The following AGO2 variants were observed in gnomAD, a reference collection of about 807,000 sequenced individuals.
The protein encoded by AGO2 is protein argonaute-2.
In AGO2, 5 loss-of-function variants were observed where a neutral mutation model predicts 102.3. The observed-to-expected ratio is 0.05, with a 90% CI of 0.03 to 0.10. The LOEUF is 0.10. Ranked by LOEUF, AGO2 falls within the 10% of genes least tolerant of loss-of-function variation. The pLI is 1.00. For missense variants in AGO2, 541 were observed against 1,183.7 expected, an observed-to-expected ratio of 0.46 and a Z score of 7.97; for synonymous variants, 449 against 473.1, an observed-to-expected ratio of 0.95 and a Z score of 0.66.
intron 4 of AGO2, among the ~76,000 whole-genome samples, chr8:140,561,066 G>A (rs543003804): frequency 3.4e-3 from 513 of 152,346 alleles, no homozygotes; most frequent in African/African-American, 0.011. Flanking sequence ...GGGCTCCCCC[G>A]TAGGAGGTGG....
intron 1 of AGO2, among the ~76,000 whole-genome samples, chr8:140,610,028 TAAAA>T (rs55637374): frequency 3.2e-5 from 4 of 126,548 alleles, no homozygotes; most frequent in East Asian, 2.8e-4. Context: ...ACCTTGACTC[TAAAA>T]AAAAAAAAAA....
At chr8:140,556,575 T>C (rs2073097378) in intron 8 of AGO2, among the ~76,000 whole-genome samples, 1 of 152,120 alleles carries the variant, frequency 6.6e-6, no homozygotes, top group African/African-American at 2.4e-5. Flanking sequence ...CCGGCACTTC[T>C]GGGCTCTCTC....
At chr8:140,611,313 T>C (rs2074075126) in intron 1 of AGO2, among the ~76,000 whole-genome samples, 3 of 150,140 alleles carry the variant, frequency 2.0e-5, no homozygotes, top group African/African-American at 7.3e-5. Context: ...TTATTCCACA[T>C]TGACTCTTAA....
chr8:140,619,833 T>C (rs748096571), intron 1 of AGO2, among the ~76,000 whole-genome samples: 6 of 152,210 alleles, frequency 3.9e-5, no homozygotes, highest in Non-Finnish European at 8.8e-5. Context: ...CGAGAAACCC[T>C]GCTGGGGTGG....
At chr8:140,625,850 G>A (rs1298022051) in intron 1 of AGO2, among the ~76,000 whole-genome samples, 1 of 152,206 alleles carries the variant, frequency 6.6e-6, no homozygotes, top group East Asian at 1.9e-4. Context: ...AGCTTCCAGG[G>A]CCAACAGCGA....
chr8:140,555,813 C>T (rs1365825489), intron 10 of AGO2, 83 bp downstream of exon 10: 16 of 1,513,728 alleles, frequency 1.1e-5, no homozygotes, highest in African/African-American at 5.5e-5. Context: ...GTCTACACCG[C>T]GGGCGATAGC....
intron 1 of AGO2, among the ~76,000 whole-genome samples, chr8:140,597,947 C>A (rs1251176605): frequency 2.0e-5 from 3 of 152,372 alleles, no homozygotes; most frequent in African/African-American, 7.2e-5. Context: ...AGGGGCCTCA[C>A]AGTAGATGCC....
chr8:140,590,158 C>T (rs2133026151), intron 1 of AGO2, among the ~76,000 whole-genome samples: 1 of 152,192 alleles, frequency 6.6e-6, no homozygotes, highest in East Asian at 1.9e-4. Flanking sequence ...CACAGAGACG[C>T]GTCTGGCCCA....
intron 11 of AGO2, among the ~76,000 whole-genome samples, chr8:140,549,851 T>C (rs2977480): frequency 0.63 from 95,568 of 152,158 alleles, 31,454 homozygotes; most frequent in African/African-American, 0.84. Flanking sequence ...TGGCAACGGC[T>C]AGCCTTGTGA....
chr8:140,597,120 C>T (rs2073857074), intron 1 of AGO2, among the ~76,000 whole-genome samples: 1 of 152,238 alleles, frequency 6.6e-6, no homozygotes, highest in South Asian at 2.1e-4. Flanking sequence ...AAAAAAAACT[C>T]AGCAGAAGAG....
chr8:140,638,505 G>C (rs761618469), upstream of AGO2, among the ~76,000 whole-genome samples: 7 of 152,208 alleles, frequency 4.6e-5, no homozygotes, highest in Non-Finnish European at 8.8e-5. Context: ...GGTACCTCAA[G>C]GTTCCGTGGA....
chr8:140,591,500 T>C (rs2073746448), intron 1 of AGO2, among the ~76,000 whole-genome samples: 2 of 152,218 alleles, frequency 1.3e-5, no homozygotes, highest in South Asian at 4.1e-4. Flanking sequence ...GAAAATATGT[T>C]AACCTTATTT....
At position 140,559,516 on chromosome 8, in the gene AGO2, C is replaced by T. The variant is rs767782553; in HGVS notation, c.669G>A (p.Ala223=). ...CGATTACTGGCTGTGCCTTGTAAAACGCTGTTGCTGACACTGTAGGCGAGA... is the reference window on the plus strand; with the variant it reads ...CGATTACTGGCTGTGCCTTGTAAAATGCTGTTGCTGACACTGTAGGCGAGA... ...MMLNIDVSAT[A]FYKAQPVIEF... The change falls in exon 6 of 19, where the codon GCG becomes GCA. Residue 223 remains alanine (A), a synonymous_variant. Coordinates refer to ENST00000220592, the MANE Select transcript of AGO2 (RefSeq NM_012154.5). 10 of 1,614,078 alleles carry T rather than the reference C, an allele frequency of 6.2e-6. No homozygotes were observed. Among genetic ancestry groups the T allele is most frequent in the Admixed American group, 1.7e-5 (1 of 60,012 alleles).
chr8:140,547,319 T>A (rs1456660393), intron 13 of AGO2, 149 bp downstream of exon 13: 17 of 1,018,424 alleles, frequency 1.7e-5, no homozygotes, highest in Non-Finnish European at 2.2e-5. Flanking sequence ...CAGATCTATG[T>A]CTGACATCTT....
chr8:140,596,004 T>TGTAC, intron 1 of AGO2, among the ~76,000 whole-genome samples: 1 of 132,030 alleles, frequency 7.6e-6, no homozygotes, highest in East Asian at 2.0e-4. Flanking sequence ...TATATATATA[T>TGTAC]ACACACACAC....
intron 3 of AGO2, among the ~76,000 whole-genome samples, chr8:140,564,668 C>G (rs1270665858): frequency 6.6e-6 from 1 of 152,244 alleles, no homozygotes; most frequent in Non-Finnish European, 1.5e-5. Context: ...TAGGGCCAGG[C>G]ACAGTGGCTC....
At chr8:140,635,910 CGGCGCGGCCCGTGTGGCGCGGGGGCG>C (rs1457654919), upstream of AGO2, among the ~76,000 whole-genome samples, 2 of 146,644 alleles carry the variant, frequency 1.4e-5, no homozygotes, top group Non-Finnish European at 3.0e-5. Context: ...GGGCCGAGGG[CGGCGCGGCCCGTGTGGCGCGGGGGCG>C]GGCGCGGCCC....
rs896528813 is a variant in AGO2 at position 140,635,400 on chromosome 8, G to A, written c.22+85C>T. On this transcript the variant is annotated intron_variant, in intron 1 of 18. Transcript: ENST00000220592. ...CCGACCCCGCGGCCCCCCGATCCCC[G>A]GCCCCTGCCGCCCGCGCCGGGCCCG... The A allele has an allele frequency of 1.4e-5, 11 of 770,284 alleles. No homozygotes were observed. In the African/African-American group the frequency reaches 1.7e-4, roughly 12 times the overall value. 47.7% of individuals were successfully genotyped at this position (770,284 alleles called of 1,614,324 possible).
At chr8:140,585,604 A>C (rs193186005) in intron 1 of AGO2, among the ~76,000 whole-genome samples, 1 of 152,246 alleles carries the variant, frequency 6.6e-6, no homozygotes, top group Non-Finnish European at 1.5e-5. Flanking sequence ...GACAAGGCAA[A>C]GAGCCCAAAA....
Sources: gnomAD v4.1 joint callset for allele counts (sites outside exome capture counted in the v4.1 genomes callset) on GRCh38, gnomAD v4.1.1 for gene constraint, MANE v1.5 for transcripts, NCBI Gene and HGNC (gene_info 2026-07-23, HGNC 2026-07-21) for gene names.